Variants in PDE4D observed in about 807,000 individuals in gnomAD.
PDE4D encodes the protein phosphodiesterase 4D, also known as 3',5'-cyclic-AMP phosphodiesterase 4D.
PDE4D carries 24 observed loss-of-function variants against 87.4 expected under a neutral mutation model. That is an observed-to-expected ratio of 0.27 (90% confidence interval 0.20 to 0.39). The LOEUF (loss-of-function observed/expected upper bound fraction) is 0.39, where lower values mean the gene tolerates loss of function less well. Ranked by LOEUF, PDE4D falls within the 10% of genes least tolerant of loss-of-function variation. PDE4D has a pLI of 1.00. For synonymous variants in PDE4D, 384 were observed against 383.2 expected (o/e 1.00, Z -0.02); for missense variants, 714 against 1,041.0 (o/e 0.69, Z 4.32).
At chr5:59,356,298 T>C (rs1257762422) in intron 1 of PDE4D, among the ~76,000 whole-genome samples, 1 of 152,220 alleles carries the variant, frequency 6.6e-6, no homozygotes, top group Non-Finnish European at 1.5e-5. Flanking sequence ...ATTCATGACA[T>C]GTAATTCTGC....
At chr5:59,333,332 G>A (rs1777075937) in intron 1 of PDE4D, among the ~76,000 whole-genome samples, 1 of 151,970 alleles carries the variant, frequency 6.6e-6, no homozygotes, top group South Asian at 2.1e-4. Context: ...ACTATTTTCT[G>A]GATATATCGA....
rs142162066 is a variant in PDE4D at position 59,820,828 on chromosome 5, G to C, written c.455+72340C>G. Among the ~76,000 whole-genome samples, 1,090 of 152,272 alleles carry C rather than the reference G, an allele frequency of 7.2e-3. 5 individuals are homozygous for C. Among genetic ancestry groups the C allele is most frequent in the Non-Finnish European group, 0.012 (823 of 68,024 alleles). ...TTGTTTGTGTTTAAGGTCTCAGTAA[G>C]CGATAACTACTCACAACCTGGTTGG... On this transcript the variant is annotated intron_variant, in intron 1 of 14. Coordinates refer to ENST00000340635, the MANE Select transcript of PDE4D (RefSeq NM_001104631.2).
At chr5:59,654,747 T>C (rs1468478701) in intron 1 of PDE4D, among the ~76,000 whole-genome samples, 1 of 151,734 alleles carries the variant, frequency 6.6e-6, no homozygotes, top group Admixed American at 6.6e-5. Flanking sequence ...CCATACCCCC[T>C]CCAACCCTAG....
chr5:60,139,379 G>T (rs1229696843), intron 2 of PDE4D, among the ~76,000 whole-genome samples: 1 of 152,026 alleles, frequency 6.6e-6, no homozygotes, highest in Non-Finnish European at 1.5e-5. Context: ...CATATTCCAA[G>T]TTCATAATAG....
chr5:59,607,319 T>TG (rs1025137687), intron 1 of PDE4D, among the ~76,000 whole-genome samples: 1 of 152,126 alleles, frequency 6.6e-6, no homozygotes, highest in Non-Finnish European at 1.5e-5. Flanking sequence ...ACTGACTGAG[T>TG]GCCCAGCATC....
chr5:60,073,851 A>AT (rs2152898119), intron 2 of PDE4D, among the ~76,000 whole-genome samples: 1 of 151,768 alleles, frequency 6.6e-6, no homozygotes, highest in East Asian at 1.9e-4. Flanking sequence ...GGTTATTTGT[A>AT]TTTTTCTGGG....
intron 1 of PDE4D, among the ~76,000 whole-genome samples, chr5:60,478,148 A>T (rs2150209767): frequency 6.6e-6 from 1 of 152,312 alleles, no homozygotes; most frequent in Non-Finnish European, 1.5e-5. Flanking sequence ...CATAATTCTA[A>T]AATATTTTAT....
At chr5:59,104,365 G>A (rs1771240103) in intron 5 of PDE4D, among the ~76,000 whole-genome samples, 1 of 152,118 alleles carries the variant, frequency 6.6e-6, no homozygotes, top group Admixed American at 6.5e-5. Context: ...AGTAAGCGTT[G>A]GATAACCAAG....
intron 1 of PDE4D, among the ~76,000 whole-genome samples, chr5:59,406,696 C>T (rs1438851131): frequency 6.6e-6 from 1 of 151,954 alleles, no homozygotes; most frequent in African/African-American, 2.4e-5. Context: ...CAACATCTCC[C>T]TTTTCATCTC....
chr5:59,632,966 T>C (rs938611638), intron 1 of PDE4D, among the ~76,000 whole-genome samples: 5 of 152,142 alleles, frequency 3.3e-5, no homozygotes, highest in Admixed American at 6.6e-5. Context: ...TCTAACCTAA[T>C]GCAAGGAAGC....
At chr5:60,386,125 TG>T (rs1216761907) in intron 1 of PDE4D, among the ~76,000 whole-genome samples, 4 of 152,158 alleles carry the variant, frequency 2.6e-5, no homozygotes, top group African/African-American at 9.7e-5. Context: ...ATAATAAATC[TG>T]TAATTAAAAT....
chr5:60,050,729 A>T (rs1770028380), intron 2 of PDE4D, among the ~76,000 whole-genome samples: 1 of 152,252 alleles, frequency 6.6e-6, no homozygotes, highest in Admixed American at 6.5e-5. Flanking sequence ...CAATTAAAAG[A>T]CACAGACTGG....
intron 1 of PDE4D, among the ~76,000 whole-genome samples, chr5:60,341,068 T>A: frequency 6.6e-6 from 1 of 152,154 alleles, no homozygotes; most frequent in Non-Finnish European, 1.5e-5. Flanking sequence ...TCCCTTTCAC[T>A]ATGATTTGCC....
At chr5:59,463,722 ATTTC>A (rs981462486) in intron 1 of PDE4D, among the ~76,000 whole-genome samples, 1 of 152,210 alleles carries the variant, frequency 6.6e-6, no homozygotes, top group Non-Finnish European at 1.5e-5. Context: ...TCAAGTCAAC[ATTTC>A]TTTCTAAGTG....
intron 1 of PDE4D, among the ~76,000 whole-genome samples, chr5:60,315,255 C>A (rs1314046635): frequency 1.3e-5 from 2 of 152,138 alleles, no homozygotes; most frequent in Non-Finnish European, 2.9e-5. Flanking sequence ...AGCATTTTTT[C>A]ATGTGTCTTT....
chr5:59,876,470 C>T (rs1048823598), intron 1 of PDE4D, among the ~76,000 whole-genome samples: 1 of 152,146 alleles, frequency 6.6e-6, no homozygotes, highest in Non-Finnish European at 1.5e-5. Context: ...TCTCTTTATT[C>T]TTTATCCACC....
At chr5:60,088,210 T>A (rs1774737532) in intron 2 of PDE4D, among the ~76,000 whole-genome samples, 1 of 150,682 alleles carries the variant, frequency 6.6e-6, no homozygotes, top group Non-Finnish European at 1.5e-5. Flanking sequence ...AAACAAAAGC[T>A]GAGGAAATTT....
intron 1 of PDE4D, among the ~76,000 whole-genome samples, chr5:59,478,390 C>T (rs1803683881): frequency 1.3e-5 from 2 of 151,966 alleles, no homozygotes; most frequent in African/African-American, 4.8e-5. Flanking sequence ...AGATTGTAAA[C>T]ATCTAGACTT....
At chr5:60,057,200 T>C (rs551817813) in intron 2 of PDE4D, among the ~76,000 whole-genome samples, 1 of 152,042 alleles carries the variant, frequency 6.6e-6, no homozygotes, top group South Asian at 2.1e-4. Context: ...TAAAACTACA[T>C]CAATCAGGAT....
Sources: allele counts gnomAD v4.1 joint callset (sites outside exome capture counted in the v4.1 genomes callset), GRCh38; gene constraint gnomAD v4.1.1; transcripts MANE v1.5; gene names NCBI Gene and HGNC (gene_info 2026-07-23, HGNC 2026-07-21).